ATP5PB: variants seen among roughly 807,000 people sequenced by gnomAD.
ATP5PB encodes the protein ATP synthase peripheral stalk-membrane subunit b, also known as ATP synthase peripheral stalk subunit b, mitochondrial.
Under a neutral mutation model 34.5 loss-of-function variants are expected in ATP5PB, and 21 were observed. The observed-to-expected ratio is 0.61, with a 90% CI of 0.43 to 0.88. ATP5PB has a LOEUF of 0.88. Ranked by LOEUF, ATP5PB falls within the 40% of genes least tolerant of loss-of-function variation. ATP5PB has a pLI of 0.00. For synonymous variants in ATP5PB, 108 were observed against 114.1 expected, an observed-to-expected ratio of 0.95 and a Z score of 0.34; for missense variants, 293 against 317.4, an observed-to-expected ratio of 0.92 and a Z score of 0.58.
In ATP5PB at chr1:111,460,946, G is replaced by A. The variant is rs761288089; in HGVS notation, c.723G>A (p.Ala241=). ...AGGAGACAATTGCCAAGTGCATTGCGGACCTAAAGCTGCTGGCAAAGAAGG... is the reference window on the plus strand; with the variant it reads ...AGGAGACAATTGCCAAGTGCATTGCAGACCTAAAGCTGCTGGCAAAGAAGG... The part of the protein sequence containing the change: ...QEKETIAKCI[A]DLKLLAKKAQ... Residue 241 remains alanine, a synonymous_variant, in exon 7 of 7, where the codon GCG becomes GCA. Coordinates refer to ENST00000369722, the MANE Select transcript of ATP5PB (RefSeq NM_001688.5). The A allele has an allele frequency of 5.3e-5, 85 of 1,613,074 alleles. 1 individual carries two copies. Among genetic ancestry groups the A allele is most frequent in the Middle Eastern group, 5.3e-4 (3 of 5,700 alleles).
intron 6 of ATP5PB, among the ~76,000 whole-genome samples, chr1:111,460,402 C>G (rs1248459496): frequency 6.8e-6 from 1 of 147,540 alleles, no homozygotes; most frequent in Non-Finnish European, 1.5e-5. Flanking sequence ...TTCAGCATAA[C>G]CTATACAGGA....
rs918048085 is a variant in ATP5PB at position 111,449,959 on chromosome 1, G to T, written c.77+86G>T. On this transcript the variant is annotated intron_variant, in intron 2 of 6. Coordinates refer to ENST00000369722, the MANE Select transcript of ATP5PB (RefSeq NM_001688.5). Reference sequence around the variant, plus strand: ...CCTGCCCCCACCCCCTTAGCTTTAGGTCAGAAATTTCTTTCCGATAATTTT... The same window carrying T: ...CCTGCCCCCACCCCCTTAGCTTTAGTTCAGAAATTTCTTTCCGATAATTTT... 3.2e-6 allele frequency: 5 copies of T among 1,561,314 alleles called. No individual in the cohort carries two copies. In the East Asian group the frequency reaches 1.1e-4, roughly 35 times the overall value.
rs1413156355 is a variant in ATP5PB at position 111,461,031 on chromosome 1, G to A, written c.*37G>A. 46 of 1,572,124 alleles carry A rather than the reference G, an allele frequency of 2.9e-5. No individual in the cohort carries two copies. The highest frequency in any genetic ancestry group is 3.5e-5 in the Non-Finnish European group (40 of 1,145,324). On this transcript the variant is annotated 3_prime_UTR_variant, in exon 7 of 7. Coordinates refer to ENST00000369722, the MANE Select transcript of ATP5PB (RefSeq NM_001688.5). ...CCAATTGAGACAGCTAGAAACAGTT[G>A]ACTGACTAAATGGAAACTAGTCTAT...
At position 111,449,834 on chromosome 1, in the gene ATP5PB, C is replaced by T; in HGVS notation, c.41-3C>T. On this transcript the variant is annotated splice_region_variant and splice_polypyrimidine_tract_variant and intron_variant, in intron 1 of 6. Coordinates refer to ENST00000369722, the MANE Select transcript of ATP5PB (RefSeq NM_001688.5). ...TGCTGACCTTCGCCTTGTCTATCTG[C>T]AGCCCCCTCTCTGAAGAATGCAGCC... 6.2e-7 allele frequency: 1 copy of T among 1,614,178 alleles called. No homozygotes were observed. Among genetic ancestry groups the T allele is most frequent in the Middle Eastern group, 1.6e-4 (1 of 6,062 alleles).
intron 2 of ATP5PB, 99 bp downstream of exon 2, chr1:111,449,972 T>G: frequency 7.4e-6 from 11 of 1,478,934 alleles, no homozygotes; most frequent in Non-Finnish European, 1.0e-5. Context: ...AGAAATTTCT[T>G]TCCGATAATT....
In ATP5PB at chr1:111,456,046, A is replaced by G. The variant is rs765586418; in HGVS notation, c.224-40A>G. The G allele has an allele frequency of 1.7e-5, 25 of 1,470,484 alleles. 1 individual carries two copies. In the South Asian group the frequency reaches 2.3e-4, roughly 13 times the overall value. The allele number at this position is 1,470,484 out of a possible 1,614,324, so 91.1% of individuals were successfully genotyped here. ...CCTTTCTATCTTCCCTCTTTTAGGC[A>G]TAGCATATCCCTTCATAAAATAACT... On this transcript the variant is annotated intron_variant, in intron 3 of 6. Coordinates refer to ENST00000369722, the MANE Select transcript of ATP5PB (RefSeq NM_001688.5).
chr1:111,454,136 G>T, intron 2 of ATP5PB, 75 bp from the exon 3 acceptor site: 3 of 1,381,552 alleles, frequency 2.2e-6, no homozygotes, highest in Non-Finnish European at 1.9e-6. Context: ...CCTATTTATT[G>T]TTTCTGCTCA....
chr1:111,459,436 C>T, intron 5 of ATP5PB, 21 bp from the exon 6 acceptor site: 1 of 1,588,342 alleles, frequency 6.3e-7, no homozygotes, highest in Non-Finnish European at 8.6e-7. Context: ...CAATATTTAT[C>T]ATTTCTTAAT....
Position 111,456,742 on chromosome 1 carries a change from T to C in ATP5PB, c.500T>C (p.Phe167Ser). ...QALVQKRHYL[F>S]DVQRNNIAMA... ...CTGGTTCAGAAGCGCCATTACCTTT[T>C]TGATGTGCAAAGGGTAGGTTTCAGA... Residue 167 changes from phenylalanine (F) to serine (S), a missense_variant, in exon 5 of 7, where the codon TTT becomes TCT. Phe to Ser is a radical substitution (Grantham distance 155). Coordinates refer to ENST00000369722, the MANE Select transcript of ATP5PB (RefSeq NM_001688.5). 6.2e-7 allele frequency: 1 copy of C among 1,610,308 alleles called. No homozygotes were observed. The highest frequency in any genetic ancestry group is 1.1e-5 in the South Asian group (1 of 90,200).
chr1:111,456,974 A>G (rs1046433202), intron 5 of ATP5PB, among the ~76,000 whole-genome samples: 27 of 152,208 alleles, frequency 1.8e-4, no homozygotes, highest in Admixed American at 1.8e-3. Flanking sequence ...TATAGAAGCT[A>G]TTAAAAAAAA....
chr1:111,454,296 C>A lies in ATP5PB; in HGVS notation c.163C>A (p.Arg55Ser), dbSNP rs751833359. 1 of 1,613,194 alleles carries A rather than the reference C, an allele frequency of 6.2e-7. No individual in the cohort carries two copies. The highest frequency in any genetic ancestry group is 8.5e-7 in the Non-Finnish European group (1 of 1,179,726). Residue 55 changes from arginine to serine, a missense_variant, in exon 3 of 7, where the codon CGT becomes AGT. Transcript: ENST00000369722. ...TCTTCCTGAATACGGAGGAAAAGTT[C>A]GTTATGGACTGATCCCTGAGGAATT... The part of the protein sequence containing the change: ...PPLPEYGGKV[R>S]YGLIPEEFFQ...
In ATP5PB at chr1:111,456,828, G is replaced by A. The variant is rs944159414; in HGVS notation, c.513+73G>A. The A allele has an allele frequency of 9.5e-6, 14 of 1,479,306 alleles. No individual in the cohort carries two copies. In the East Asian group the frequency reaches 3.4e-4, roughly 36 times the overall value. 91.6% of individuals were successfully genotyped at this position (1,479,306 alleles called of 1,614,324 possible). Reference sequence around the variant, plus strand: ...ATTTTTTTAATTCAGAATTTTTTATGAAGAATGGTTAAATAGATTGAACGT... The same window carrying A: ...ATTTTTTTAATTCAGAATTTTTTATAAAGAATGGTTAAATAGATTGAACGT... On this transcript the variant is annotated intron_variant, in intron 5 of 6. Coordinates refer to ENST00000369722, the MANE Select transcript of ATP5PB (RefSeq NM_001688.5).
intron 5 of ATP5PB, among the ~76,000 whole-genome samples, chr1:111,459,171 T>C (rs545497057): frequency 6.6e-6 from 1 of 152,300 alleles, no homozygotes; most frequent in Non-Finnish European, 1.5e-5. Flanking sequence ...TATATTTTGA[T>C]GGGTATACCT....
intron 2 of ATP5PB, 85 bp from the exon 3 acceptor site, chr1:111,454,126 C>T: frequency 7.4e-7 from 1 of 1,347,552 alleles, no homozygotes; most frequent in Non-Finnish European, 9.8e-7. Context: ...AATTATCAAC[C>T]CTATTTATTG....
At position 111,449,764 on chromosome 1, in the gene ATP5PB, G is replaced by C. The variant is rs1045385129; in HGVS notation, c.41-73G>C. ...AGGGGTACATAGGCTTAGTGATAGAGCCTGGCGGGGGTAAGGAAAGGGCAA... is the reference window on the plus strand; with the variant it reads ...AGGGGTACATAGGCTTAGTGATAGACCCTGGCGGGGGTAAGGAAAGGGCAA... On this transcript the variant is annotated intron_variant, in intron 1 of 6. Transcript: ENST00000369722. 2.5e-6 allele frequency: 4 copies of C among 1,607,618 alleles called. No individual in the cohort carries two copies. In the Admixed American group the frequency reaches 6.7e-5, roughly 27 times the overall value.
At chr1:111,458,192 T>C (rs1044031590) in intron 5 of ATP5PB, among the ~76,000 whole-genome samples, 5 of 152,124 alleles carry the variant, frequency 3.3e-5, no homozygotes, top group African/African-American at 1.2e-4. Flanking sequence ...AAATGCCAGA[T>C]AGAAAAATAA....
intron 5 of ATP5PB, 27 bp from the exon 6 acceptor site, chr1:111,459,430 A>G: frequency 1.3e-6 from 2 of 1,586,468 alleles, no homozygotes; most frequent in Non-Finnish European, 1.7e-6. Context: ...TACAAACAAT[A>G]TTTATCATTT....
rs150771597 is a variant in ATP5PB, at chr1:111,454,237, A to G, written c.104A>G (p.His35Arg). 4 of 1,604,854 alleles carry G rather than the reference A, an allele frequency of 2.5e-6. No homozygotes were observed. In the African/African-American group the frequency reaches 5.4e-5, roughly 22 times the overall value. Residue 35 changes from histidine to arginine, a missense_variant, in exon 3 of 7, where the codon CAT (histidine) becomes CGT (arginine). Physicochemically the swap from His to Arg is conservative, Grantham distance 29 (BLOSUM62 0). Coordinates refer to ENST00000369722, the MANE Select transcript of ATP5PB (RefSeq NM_001688.5). ...PGVLQATRTFHTGQPHLVPVP... is the reference protein window; with the variant it reads ...PGVLQATRTFRTGQPHLVPVP... ...GTATTGCAGGCAACAAGGACCTTTC[A>G]TACAGGGCAGCCACACCTTGTCCCT...
chr1:111,456,826 A>G (rs1407348259), intron 5 of ATP5PB, 71 bp downstream of exon 5: 2 of 1,484,072 alleles, frequency 1.3e-6, no homozygotes, highest in East Asian at 4.9e-5. Flanking sequence ...AGAATTTTTT[A>G]TGAAGAATGG....
Sources: allele counts gnomAD v4.1 joint callset (sites outside exome capture counted in the v4.1 genomes callset), GRCh38; gene constraint gnomAD v4.1.1; transcripts MANE v1.5; gene names NCBI Gene and HGNC (gene_info 2026-07-23, HGNC 2026-07-21).